The following AKT3 variants were observed in gnomAD, a reference collection of about 807,000 sequenced individuals.
AKT3 encodes RAC-gamma serine/threonine-protein kinase.
AKT3 carries 15 observed loss-of-function variants against 65.3 expected under a neutral mutation model. The ratio of observed to expected loss-of-function variants is 0.23; its 90% CI spans 0.15 to 0.35. AKT3 has a LOEUF of 0.35. Among genes scored for constraint, AKT3 ranks in the 10% least tolerant of loss-of-function variants. AKT3 has a pLI of 1.00. For missense variants in AKT3, 243 were observed against 576.5 expected (o/e 0.42, Z 5.92); for synonymous variants, 206 against 183.8 (o/e 1.12, Z -0.98).
chr1:243,581,772 A>C (rs1675375947), intron 8 of AKT3, among the ~76,000 whole-genome samples: 1 of 152,048 alleles, frequency 6.6e-6, no homozygotes, highest in Non-Finnish European at 1.5e-5. Context: ...ATGACAGATA[A>C]AGAATTCAAA....
intron 2 of AKT3, among the ~76,000 whole-genome samples, chr1:243,770,624 A>G (rs1327078232): frequency 2.6e-5 from 4 of 152,078 alleles, no homozygotes; most frequent in Non-Finnish European, 5.9e-5. Flanking sequence ...GTGCCAGAAA[A>G]TAGTATACCA....
chr1:243,848,116 C>T (rs1053517795), intron 1 of AKT3, among the ~76,000 whole-genome samples: 4 of 152,148 alleles, frequency 2.6e-5, no homozygotes, highest in African/African-American at 9.7e-5. Context: ...TTTCAACAGT[C>T]TCATTCATGT....
intron 2 of AKT3, among the ~76,000 whole-genome samples, chr1:243,747,720 T>C (rs1321725969): frequency 2.0e-5 from 3 of 152,208 alleles, no homozygotes; most frequent in Non-Finnish European, 2.9e-5. Flanking sequence ...GGAATTACCA[T>C]AGAAAACCAC....
At chr1:243,702,607 C>T (rs1685538506) in intron 2 of AKT3, among the ~76,000 whole-genome samples, 1 of 152,098 alleles carries the variant, frequency 6.6e-6, no homozygotes, top group Non-Finnish European at 1.5e-5. Flanking sequence ...CAACTACAAA[C>T]CACACATTAA....
chr1:243,650,890 T>A (rs750615266), intron 4 of AKT3, among the ~76,000 whole-genome samples: 2 of 152,192 alleles, frequency 1.3e-5, no homozygotes, highest in Non-Finnish European at 2.9e-5. Flanking sequence ...ATGCGGGCTA[T>A]TTTTTGGTTC....
At chr1:243,811,172 G>C (rs575179599) in intron 2 of AKT3, among the ~76,000 whole-genome samples, 28 of 152,220 alleles carry the variant, frequency 1.8e-4, no homozygotes, top group African/African-American at 6.0e-4. Flanking sequence ...AGTTCTAGCC[G>C]GGGCAATCAG....
Position 243,630,203 on chromosome 1 carries a change from C to T in AKT3, c.561+7408G>A, listed in dbSNP as rs114173933. 4.9e-3 allele frequency among the ~76,000 whole-genome samples: 742 copies of T among 152,246 alleles called. 6 individuals are homozygous for T. Among genetic ancestry groups the T allele is most frequent in the African/African-American group, 0.017 (714 of 41,540 alleles). ...CAAAGAATGTACTTTATAGCCCATA[C>T]GCCATACTTTACAGCCAATATCCCC... On this transcript the variant is annotated intron_variant, in intron 6 of 13. Transcript: ENST00000673466.
intron 8 of AKT3, among the ~76,000 whole-genome samples, chr1:243,582,140 G>T (rs1307350364): frequency 6.6e-6 from 1 of 152,080 alleles, no homozygotes; most frequent in Non-Finnish European, 1.5e-5. Flanking sequence ...TGAGAGAGAA[G>T]AAGAAAAAGT....
chr1:243,491,446 A>G (rs1666392740), intron 13 of AKT3, among the ~76,000 whole-genome samples: 1 of 152,224 alleles, frequency 6.6e-6, no homozygotes, highest in Admixed American at 6.5e-5. Flanking sequence ...TTATTTTAAT[A>G]TGAACATGAC....
intron 8 of AKT3, among the ~76,000 whole-genome samples, chr1:243,594,118 T>C (rs1166225823): frequency 6.6e-6 from 1 of 152,194 alleles, no homozygotes; most frequent in Non-Finnish European, 1.5e-5. Flanking sequence ...GAATACAAGG[T>C]TAATATATAA....
intron 7 of AKT3, 143 bp downstream of exon 7, chr1:243,614,953 G>A (rs1678186146): frequency 1.6e-6 from 1 of 643,082 alleles, no homozygotes; most frequent in Non-Finnish European, 2.7e-6. Context: ...ATTCTAATAA[G>A]TTATAAGAAA....
At chr1:243,591,864 G>C (rs1676252556) in intron 8 of AKT3, among the ~76,000 whole-genome samples, 1 of 151,776 alleles carries the variant, frequency 6.6e-6, no homozygotes, top group South Asian at 2.1e-4. Context: ...AGAAAAGACT[G>C]AAAAAAAGAA....
At position 243,552,749 on chromosome 1, in the gene AKT3, C is replaced by T. The variant is rs564493379; in HGVS notation, c.1143G>A (p.Leu381=). 2.8e-5 allele frequency: 45 copies of T among 1,613,738 alleles called. 1 individual carries two copies. The highest frequency in any genetic ancestry group is 4.0e-5 in the African/African-American group (3 of 74,896). The change falls in exon 11 of 14, where the codon TTG becomes TTA. Residue 381 remains leucine (L), a synonymous_variant. Transcript: ENST00000673466. The part of the protein sequence containing the change: ...SDAKSLLSGL[L]IKDPNKRLGG... ...CTTACCGTTTATTTGGATCCTTTAT[C>T]AAGAGCCCTGAAAGCAATGATTTTG...
At chr1:243,637,574 A>G in intron 6 of AKT3, 37 bp downstream of exon 6, 1 of 1,557,176 alleles carries the variant, frequency 6.4e-7, no homozygotes, top group Non-Finnish European at 8.7e-7. Flanking sequence ...CACACTGCAA[A>G]CAAAAATTTA....
intron 13 of AKT3, among the ~76,000 whole-genome samples, chr1:243,494,334 G>T (rs1241853758): frequency 3.3e-5 from 5 of 152,134 alleles, no homozygotes; most frequent in Non-Finnish European, 7.4e-5. Flanking sequence ...AGTTTGCCCT[G>T]ATTCTTTCAA....
At chr1:243,747,474 C>T (rs183041667) in intron 2 of AKT3, among the ~76,000 whole-genome samples, 3 of 152,146 alleles carry the variant, frequency 2.0e-5, no homozygotes, top group Non-Finnish European at 4.4e-5. Flanking sequence ...AGTAAAATTA[C>T]ATTGCCATTG....
At chr1:243,838,421 T>C (rs536845716) in intron 2 of AKT3, among the ~76,000 whole-genome samples, 2 of 152,244 alleles carry the variant, frequency 1.3e-5, no homozygotes, top group South Asian at 4.1e-4. Context: ...CAGGAAATCA[T>C]ACTGTCATTT....
chr1:243,730,389 G>A (rs1687476913), intron 2 of AKT3, among the ~76,000 whole-genome samples: 2 of 152,146 alleles, frequency 1.3e-5, no homozygotes, highest in Admixed American at 1.3e-4. Flanking sequence ...CTGGACAAAG[G>A]ACCAGAATTC....
intron 4 of AKT3, among the ~76,000 whole-genome samples, chr1:243,652,709 G>A (rs1309221664): frequency 1.6e-5 from 2 of 125,612 alleles, no homozygotes; most frequent in Non-Finnish European, 3.2e-5. Context: ...CATCTCTCAT[G>A]CAAAGACACA....
Sources: gnomAD v4.1 joint callset for allele counts (sites outside exome capture counted in the v4.1 genomes callset) on GRCh38, gnomAD v4.1.1 for gene constraint, MANE v1.5 for transcripts, NCBI Gene and HGNC (gene_info 2026-07-23, HGNC 2026-07-21) for gene names.